The following ANKRD11 variants were observed in gnomAD, a reference collection of about 807,000 sequenced individuals.
ANKRD11 encodes ankyrin repeat domain 11.
In ANKRD11, 17 loss-of-function variants were observed where a neutral mutation model predicts 195.7. The observed-to-expected ratio is 0.09, with a 90% CI of 0.06 to 0.13. ANKRD11 has a LOEUF of 0.13. Among genes scored for constraint, ANKRD11 ranks in the 10% least tolerant of loss-of-function variants. The pLI, the probability that ANKRD11 is intolerant of heterozygous loss-of-function variation, is 1.00. For synonymous variants in ANKRD11, 1,953 were observed against 1,528.1 expected, an observed-to-expected ratio of 1.28 and a Z score of -6.49; for missense variants, 3,735 against 3,566.1, an observed-to-expected ratio of 1.05 and a Z score of -1.21.
chr16:89,330,866 TA>T (rs1382863555), intron 2 of ANKRD11, among the ~76,000 whole-genome samples: 1 of 152,160 alleles, frequency 6.6e-6, no homozygotes, highest in East Asian at 1.9e-4. Context: ...GGCTTTTGAT[TA>T]AAACCTGGTA....
intron 2 of ANKRD11, among the ~76,000 whole-genome samples, chr16:89,319,185 C>T (rs2037148550): frequency 6.6e-6 from 1 of 152,248 alleles, no homozygotes; most frequent in South Asian, 2.1e-4. Flanking sequence ...GGCCCACGGA[C>T]ACACTCAACA....
At chr16:89,386,769 T>C (rs2040931138) in intron 2 of ANKRD11, among the ~76,000 whole-genome samples, 1 of 152,168 alleles carries the variant, frequency 6.6e-6, no homozygotes, top group South Asian at 2.1e-4. Flanking sequence ...AATAGCACTG[T>C]AGAATCCTTC....
At chr16:89,312,487 C>T (rs957898026) in intron 3 of ANKRD11, among the ~76,000 whole-genome samples, 1 of 152,218 alleles carries the variant, frequency 6.6e-6, no homozygotes. Context: ...AGCTGGCGGG[C>T]CACAGGCCGT....
intron 2 of ANKRD11, among the ~76,000 whole-genome samples, chr16:89,344,655 T>C (rs1045344339): frequency 2.0e-5 from 3 of 152,016 alleles, no homozygotes; most frequent in Admixed American, 6.5e-5. Context: ...GGGCCAGAAA[T>C]GAGGGCACCC....
chr16:89,482,287 A>G (rs2057468790), intron 1 of ANKRD11, among the ~76,000 whole-genome samples: 2 of 152,188 alleles, frequency 1.3e-5, no homozygotes. Context: ...CGTCAGCCAC[A>G]CCGTGCTTTA....
At chr16:89,333,526 C>T (rs190505962) in intron 2 of ANKRD11, among the ~76,000 whole-genome samples, 23 of 152,376 alleles carry the variant, frequency 1.5e-4, no homozygotes, top group Admixed American at 3.9e-4. Context: ...AACCCTCCGT[C>T]CCTCCCTCTC....
rs528357575 is a variant in ANKRD11 at position 89,278,435 on chromosome 16, C to A, written c.7470+637G>T. On this transcript the variant is annotated intron_variant, in intron 9 of 12. Coordinates refer to ENST00000301030, the MANE Select transcript of ANKRD11 (RefSeq NM_013275.6). ...TGGAGGGATCTATTTTGGGCCCAGA[C>A]GTAGCGCAAGGAGCTGGGGGAGTGG... The A allele has an allele frequency of 5.6e-4, 241 of 432,822 alleles. 1 individual carries two copies. The highest frequency in any genetic ancestry group is 1.9e-4 in the Non-Finnish European group (41 of 215,662). 26.8% of individuals were successfully genotyped at this position (432,822 alleles called of 1,614,324 possible). A position where few individuals can be genotyped will look rare whatever the true frequency, so the allele number is the denominator to read the frequency against.
intron 2 of ANKRD11, among the ~76,000 whole-genome samples, chr16:89,329,155 C>T (rs2037913013): frequency 1.3e-5 from 2 of 152,252 alleles, no homozygotes; most frequent in Non-Finnish European, 1.5e-5. Context: ...CAGGACAAAA[C>T]CACCAACCTC....
intron 1 of ANKRD11, among the ~76,000 whole-genome samples, chr16:89,475,493 G>A (rs112586023): frequency 3.9e-5 from 6 of 152,142 alleles, no homozygotes; most frequent in Non-Finnish European, 7.4e-5. Context: ...ATGAAATATT[G>A]CAGTCAGGAA....
chr16:89,484,666 AGTT>A (rs1405642842), intron 1 of ANKRD11, among the ~76,000 whole-genome samples: 1 of 152,214 alleles, frequency 6.6e-6, no homozygotes, highest in African/African-American at 2.4e-5. Flanking sequence ...GATATCATAA[AGTT>A]ATTAGGCATT....
chr16:89,291,661 C>T lies in ANKRD11; in HGVS notation c.227-478G>A. ...TTTAAAACACATCAGTAAATCAAGG[C>T]CAACTGGTCAGTACTGTACCTTTCT... On this transcript the variant is annotated intron_variant, in intron 4 of 12. Coordinates refer to ENST00000301030, the MANE Select transcript of ANKRD11 (RefSeq NM_013275.6). This position sits in a 1 kb window ranked among gnomAD's most constrained non-coding sequence, Gnocchi z 5.3. 7.8e-7 allele frequency: 1 copy of T among 1,289,544 alleles called. No individual in the cohort carries two copies. Among genetic ancestry groups the T allele is most frequent in the Non-Finnish European group, 1.0e-6 (1 of 988,380 alleles). The allele number at this position is 1,289,544 out of a possible 1,614,324, so 79.9% of individuals were successfully genotyped here.
chr16:89,450,387 C>A (rs2044015814), intron 1 of ANKRD11, among the ~76,000 whole-genome samples: 1 of 152,172 alleles, frequency 6.6e-6, no homozygotes, highest in Non-Finnish European at 1.5e-5. Context: ...GCTGGAAGAA[C>A]AGCTTTTACA....
At chr16:89,320,758 G>A (rs2037266373) in intron 2 of ANKRD11, among the ~76,000 whole-genome samples, 1 of 152,282 alleles carries the variant, frequency 6.6e-6, no homozygotes, top group Non-Finnish European at 1.5e-5. Flanking sequence ...CAGCCCAGCG[G>A]AGTGGACAGT....
At chr16:89,268,761 G>T (rs1012968593) in intron 12 of ANKRD11, 98 bp from the exon 13 acceptor site, 2 of 1,412,794 alleles carry the variant, frequency 1.4e-6, no homozygotes, top group African/African-American at 2.8e-5. Context: ...GGCGTGATAC[G>T]GCCGTGAACC....
chr16:89,420,139 C>T (rs2042452421), intron 1 of ANKRD11: 1 of 152,258 alleles, frequency 6.6e-6, no homozygotes, highest in Non-Finnish European at 1.5e-5. Context: ...CTAGTCACCA[C>T]ACAGCCTGGT....
chr16:89,439,601 C>T (rs1273336578), intron 1 of ANKRD11, among the ~76,000 whole-genome samples: 11 of 152,196 alleles, frequency 7.2e-5, no homozygotes, highest in Admixed American at 7.2e-4. Flanking sequence ...ACCACAGCGC[C>T]TCAGCAATTG....
chr16:89,283,741 A>C lies in ANKRD11; in HGVS notation c.2801T>G (p.Leu934Arg), dbSNP rs1207851752. 1.9e-6 allele frequency: 3 copies of C among 1,613,456 alleles called. No homozygotes were observed. The South Asian group carries it at 3.3e-5, about 18-fold the overall frequency. The change falls in exon 9 of 13, where the codon CTT becomes CGT. Residue 934 changes from leucine to arginine, a missense_variant. Leu to Arg is a moderately radical substitution (Grantham distance 102). Transcript: ENST00000301030. The surrounding 1 kb of genome is among the most constrained non-coding windows in gnomAD (Gnocchi z 4.3). ...TEKHKSVPGYLSEKDKKRRES... is the reference protein window; with the variant it reads ...TEKHKSVPGYRSEKDKKRRES... The stretch of plus-strand genomic sequence containing the variant: ...TCTCCTCTTCTTGTCCTTTTCCGAA[A>C]GGTAGCCAGGGACACTTTTATGCTT...
chr16:89,405,925 C>T (rs1041855090), intron 2 of ANKRD11, among the ~76,000 whole-genome samples: 4 of 152,028 alleles, frequency 2.6e-5, no homozygotes, highest in African/African-American at 9.7e-5. Context: ...GTCTGGCCAA[C>T]ATGGTAAAGC....
intron 2 of ANKRD11, chr16:89,324,306 G>A (rs1406835503): frequency 3.1e-6 from 4 of 1,272,702 alleles, no homozygotes; most frequent in Admixed American, 2.3e-5. Context: ...CACCCGACAG[G>A]AGCACGGACA....
Sources: gnomAD v4.1 joint callset for allele counts (sites outside exome capture counted in the v4.1 genomes callset) on GRCh38, gnomAD v4.1.1 for gene constraint, Gnocchi (gnomAD v3.1) non-coding constraint, MANE v1.5 for transcripts, NCBI Gene and HGNC (gene_info 2026-07-23, HGNC 2026-07-21) for gene names.